COP1: variants seen among roughly 807,000 people sequenced by gnomAD.
COP1 encodes the protein COP1 E3 ubiquitin ligase.
A neutral mutation model predicts 101.3 loss-of-function variants in COP1; 24 were observed. The ratio of observed to expected loss-of-function variants is 0.24; its 90% confidence interval spans 0.17 to 0.33. COP1 has a LOEUF of 0.33. Among genes scored for constraint, COP1 ranks in the 10% least tolerant of loss-of-function variants. The pLI, the probability that COP1 is intolerant of heterozygous loss-of-function variation, is 1.00. For missense variants in COP1, 663 were observed against 906.2 expected, an observed-to-expected ratio of 0.73 and a Z score of 3.45; for synonymous variants, 347 against 341.9, an observed-to-expected ratio of 1.01 and a Z score of -0.17.
At position 176,107,016 on chromosome 1, in the gene COP1, T is replaced by TGA. The variant is rs546722143; in HGVS notation, c.1026+9606_1026+9607dup. On this transcript the variant is annotated intron_variant, in intron 9 of 19. Transcript: ENST00000367669. ...AGCAGTGGAAGGACAAAGAATATTGTGACTGAATTCTCTGGATCCCTTTCA... is the reference window on the plus strand; with the variant it reads ...AGCAGTGGAAGGACAAAGAATATTGTGAGACTGAATTCTCTGGATCCCTTTCA... Among the ~76,000 whole-genome samples, 605 of 152,262 alleles carry TGA rather than the reference T, an allele frequency of 4.0e-3. 3 individuals are homozygous for TGA. The highest frequency in any genetic ancestry group is 6.9e-3 in the Non-Finnish European group (468 of 68,016).
intron 1 of COP1, among the ~76,000 whole-genome samples, chr1:176,190,634 T>TGA (rs1699019329): frequency 6.6e-6 from 1 of 151,988 alleles, no homozygotes; most frequent in South Asian, 2.1e-4. Context: ...AAGGGTCATA[T>TGA]TGCAATCCGG....
chr1:176,058,003 G>A (rs1209114220), intron 11 of COP1, among the ~76,000 whole-genome samples: 2 of 84,712 alleles, frequency 2.4e-5, no homozygotes, highest in Non-Finnish European at 6.6e-5. Flanking sequence ...GAGAGGTGAG[G>A]AGCCCCTCCG....
chr1:175,948,453 G>A (rs1297223849), intron 18 of COP1, among the ~76,000 whole-genome samples: 1 of 152,166 alleles, frequency 6.6e-6, no homozygotes, highest in Non-Finnish European at 1.5e-5. Context: ...TTGAATGTAG[G>A]ATAGGATCTA....
intron 3 of COP1, among the ~76,000 whole-genome samples, chr1:176,169,218 C>T (rs1646544754): frequency 6.6e-6 from 1 of 152,122 alleles, no homozygotes; most frequent in African/African-American, 2.4e-5. Context: ...TAATATTCAT[C>T]AATGCCACTT....
chr1:176,075,058 G>A (rs2149367522), intron 11 of COP1, among the ~76,000 whole-genome samples: 1 of 152,188 alleles, frequency 6.6e-6, no homozygotes, highest in Non-Finnish European at 1.5e-5. Context: ...AAATAAGATT[G>A]TGAGCTCTCC....
chr1:176,200,629 G>C (rs983706714), intron 1 of COP1, among the ~76,000 whole-genome samples: 1 of 152,208 alleles, frequency 6.6e-6, no homozygotes, highest in Non-Finnish European at 1.5e-5. Flanking sequence ...TATAGAAACA[G>C]AGGCAAAATC....
At chr1:176,161,667 A>C (rs1170017575) in intron 5 of COP1, among the ~76,000 whole-genome samples, 2 of 152,156 alleles carry the variant, frequency 1.3e-5, no homozygotes, top group Admixed American at 1.3e-4. Context: ...TTACTGATTT[A>C]GTTCACAAAC....
chr1:176,032,822 C>T (rs1001230766), intron 14 of COP1, among the ~76,000 whole-genome samples: 4 of 151,956 alleles, frequency 2.6e-5, no homozygotes, highest in African/African-American at 9.7e-5. Flanking sequence ...CATAAGAACA[C>T]TAGCAGGCAG....
rs1355561577 is a variant in COP1, at chr1:175,981,016, C to T, written c.2133+5927G>A. Among the ~76,000 whole-genome samples, 3 of 152,046 alleles carry T rather than the reference C, an allele frequency of 2.0e-5. No individual in the cohort carries two copies. The East Asian group carries it at 5.8e-4, about 29-fold the overall frequency. Reference sequence around the variant, plus strand: ...CAATAGTTTCAGATAAGAGTCATATCACAGATCCACAGATACAGAATATAT... The same window carrying T: ...CAATAGTTTCAGATAAGAGTCATATTACAGATCCACAGATACAGAATATAT... On this transcript the variant is annotated intron_variant, in intron 18 of 19. Transcript: ENST00000367669.
intron 18 of COP1, among the ~76,000 whole-genome samples, chr1:175,953,198 A>G (rs1333735442): frequency 2.0e-5 from 3 of 152,280 alleles, no homozygotes; most frequent in Non-Finnish European, 4.4e-5. Flanking sequence ...AAAGTTAAAC[A>G]TATTATAAAC....
intron 8 of COP1, among the ~76,000 whole-genome samples, chr1:176,124,325 C>A: frequency 6.6e-6 from 1 of 152,016 alleles, no homozygotes; most frequent in East Asian, 1.9e-4. Flanking sequence ...TGACTATAGT[C>A]ACCCTGTTAT....
chr1:176,179,754 T>G (rs543197863), intron 2 of COP1, among the ~76,000 whole-genome samples: 1 of 152,150 alleles, frequency 6.6e-6, no homozygotes, highest in Admixed American at 6.5e-5. Flanking sequence ...AAAAAAAATT[T>G]TTTGTCAATA....
intron 15 of COP1, among the ~76,000 whole-genome samples, chr1:176,027,235 A>C (rs779475612): frequency 2.0e-5 from 3 of 152,226 alleles, no homozygotes; most frequent in African/African-American, 4.8e-5. Flanking sequence ...CTGTGCCTAT[A>C]CAATATAGCT....
At chr1:176,112,094 G>A (rs1685386974) in intron 9 of COP1, among the ~76,000 whole-genome samples, 1 of 151,970 alleles carries the variant, frequency 6.6e-6, no homozygotes, top group Admixed American at 6.6e-5. Flanking sequence ...TGGGTGTGAG[G>A]AGAGCAATAT....
chr1:175,946,778 T>C (rs988159091), intron 19 of COP1, among the ~76,000 whole-genome samples: 2 of 152,186 alleles, frequency 1.3e-5, no homozygotes, highest in African/African-American at 4.8e-5. Context: ...AGGAAGAGAA[T>C]AAAATATGAC....
chr1:176,187,888 T>A (rs1032482505), intron 1 of COP1, among the ~76,000 whole-genome samples: 2 of 152,116 alleles, frequency 1.3e-5, no homozygotes, highest in East Asian at 3.9e-4. Context: ...TGTTGAAATC[T>A]TAACCCCCAA....
intron 6 of COP1, among the ~76,000 whole-genome samples, chr1:176,146,632 C>T (rs1368786932): frequency 6.6e-6 from 1 of 152,202 alleles, no homozygotes; most frequent in Non-Finnish European, 1.5e-5. Context: ...GTTCCTATCC[C>T]AGTCAAACCT....
chr1:176,138,385 C>A (rs1338320846), intron 6 of COP1, among the ~76,000 whole-genome samples: 3 of 152,126 alleles, frequency 2.0e-5, no homozygotes, highest in Admixed American at 6.6e-5. Context: ...GGGGAAATGA[C>A]AGTACCATTG....
intron 5 of COP1, 36 bp from the exon 6 acceptor site, chr1:176,149,110 T>C: frequency 7.3e-7 from 1 of 1,373,924 alleles, no homozygotes. Flanking sequence ...TTTTAAAAAA[T>C]ATAACTGAGT....
Sources: gnomAD v4.1 joint callset for allele counts (sites outside exome capture counted in the v4.1 genomes callset) on GRCh38, gnomAD v4.1.1 for gene constraint, MANE v1.5 for transcripts, NCBI Gene and HGNC (gene_info 2026-07-23, HGNC 2026-07-21) for gene names.